The following GFRA1 variants were observed in gnomAD, a reference collection of about 807,000 sequenced individuals.
GFRA1 encodes GDNF family receptor alpha-1.
GFRA1 carries 16 observed loss-of-function variants against 51.6 expected under a neutral mutation model. That is an observed-to-expected ratio of 0.31 (90% CI 0.21 to 0.47). GFRA1 has a LOEUF of 0.47. Ranked by LOEUF, GFRA1 falls within the 20% of genes least tolerant of loss-of-function variation. The pLI, the probability that GFRA1 is intolerant of heterozygous loss-of-function variation, is 1.00. For synonymous variants in GFRA1, 270 were observed against 241.3 expected (o/e 1.12, Z -1.10); for missense variants, 530 against 594.3 (o/e 0.89, Z 1.13).
At chr10:116,100,018 G>A (rs904358126) in intron 6 of GFRA1, among the ~76,000 whole-genome samples, 1 of 152,194 alleles carries the variant, frequency 6.6e-6, no homozygotes, top group African/African-American at 2.4e-5. Context: ...AGGATTTAAA[G>A]TCATACATTC....
intron 6 of GFRA1, among the ~76,000 whole-genome samples, chr10:116,120,758 G>A (rs1957608465): frequency 6.6e-6 from 1 of 152,212 alleles, no homozygotes; most frequent in Non-Finnish European, 1.5e-5. Context: ...TGGAAACAAT[G>A]GCTGCATAGG....
chr10:116,132,346 G>A lies in GFRA1; in HGVS notation c.434-6789C>T, dbSNP rs565865661. ...AATGAATTTTAAAAACTTAGAGGAT[G>A]GACATATGGGCGCTCATACAGCACA... is the stretch of plus-strand genomic sequence containing the variant. On this transcript the variant is annotated intron_variant, in intron 5 of 10. Coordinates refer to ENST00000355422, the MANE Select transcript of GFRA1 (RefSeq NM_005264.8). Among the ~76,000 whole-genome samples, 21 of 152,244 alleles carry A rather than the reference G, an allele frequency of 1.4e-4. No homozygotes were observed. The South Asian group carries it at 1.5e-3, about 11-fold the overall frequency.
intron 4 of GFRA1, among the ~76,000 whole-genome samples, chr10:116,252,123 A>C (rs1282721708): frequency 6.6e-6 from 1 of 151,872 alleles, no homozygotes; most frequent in African/African-American, 2.4e-5. Context: ...CAGAGTGCTA[A>C]TCTAAAAACC....
At chr10:116,266,067 A>G (rs1452681087) in intron 4 of GFRA1, among the ~76,000 whole-genome samples, 1 of 152,160 alleles carries the variant, frequency 6.6e-6, no homozygotes, top group East Asian at 1.9e-4. Context: ...TCTTGTTCCC[A>G]ACGGGCCACT....
chr10:116,082,756 G>A (rs1955905468), intron 9 of GFRA1, among the ~76,000 whole-genome samples: 1 of 152,146 alleles, frequency 6.6e-6, no homozygotes, highest in South Asian at 2.1e-4. Flanking sequence ...GGGATTACAG[G>A]TGTGAGCCAC....
chr10:116,096,379 C>T (rs1018517422), intron 7 of GFRA1, among the ~76,000 whole-genome samples: 1 of 152,176 alleles, frequency 6.6e-6, no homozygotes, highest in African/African-American at 2.4e-5. Context: ...AGTTTCCCAA[C>T]TGAGACGCCT....
intron 5 of GFRA1, among the ~76,000 whole-genome samples, chr10:116,134,698 G>A (rs1191679139): frequency 6.6e-6 from 1 of 152,036 alleles, no homozygotes; most frequent in Non-Finnish European, 1.5e-5. Flanking sequence ...GTTTTCTCTG[G>A]GGCTCACAGT....
intron 5 of GFRA1, among the ~76,000 whole-genome samples, chr10:116,139,240 T>C (rs1336874009): frequency 6.6e-6 from 1 of 152,208 alleles, no homozygotes; most frequent in Non-Finnish European, 1.5e-5. Context: ...GAACGTGGCA[T>C]TCCTGAGCTT....
intron 6 of GFRA1, among the ~76,000 whole-genome samples, chr10:116,097,393 C>G (rs936430882): frequency 3.9e-5 from 6 of 152,288 alleles, no homozygotes; most frequent in African/African-American, 9.6e-5. Context: ...GGCGGGTGGG[C>G]CTGTGGTCAA....
intron 6 of GFRA1, among the ~76,000 whole-genome samples, chr10:116,099,915 A>AT (rs1335918005): frequency 1.3e-5 from 2 of 152,212 alleles, no homozygotes; most frequent in Non-Finnish European, 2.9e-5. Context: ...CAGCAAAATA[A>AT]TTGTTATTGT....
At chr10:116,170,859 C>T (rs1006494747) in intron 5 of GFRA1, among the ~76,000 whole-genome samples, 1 of 152,204 alleles carries the variant, frequency 6.6e-6, no homozygotes, top group African/African-American at 2.4e-5. Context: ...GGGGCCTTGA[C>T]TTCAACAGCT....
At chr10:116,135,448 G>A (rs764324088) in intron 5 of GFRA1, among the ~76,000 whole-genome samples, 27 of 152,076 alleles carry the variant, frequency 1.8e-4, no homozygotes, top group Non-Finnish European at 2.8e-4. Flanking sequence ...ACTGAAAACC[G>A]AATCAAGTTT....
intron 5 of GFRA1, among the ~76,000 whole-genome samples, chr10:116,198,885 A>C (rs1308432951): frequency 6.6e-6 from 1 of 152,176 alleles, no homozygotes; most frequent in Non-Finnish European, 1.5e-5. Context: ...TTAAGTTAAA[A>C]TGCGGTCACG....
rs1958945793 is a variant in GFRA1, at chr10:116,148,856, A to C, written c.434-23299T>G. Among the ~76,000 whole-genome samples the C allele has an allele frequency of 2.0e-5, 3 of 152,268 alleles. No homozygotes were observed. In the South Asian group the frequency reaches 6.2e-4, roughly 32 times the overall value. On this transcript the variant is annotated intron_variant, in intron 5 of 10. Coordinates refer to ENST00000355422, the MANE Select transcript of GFRA1 (RefSeq NM_005264.8). The stretch of plus-strand genomic sequence containing the variant: ...GAGCTGGCTGAACTAAAAATGGGAC[A>C]AGTGAGAAAAATGCAGCTGTATTCT...
At chr10:116,240,915 A>C (rs1015255139) in intron 4 of GFRA1, among the ~76,000 whole-genome samples, 7 of 152,186 alleles carry the variant, frequency 4.6e-5, no homozygotes, top group South Asian at 2.1e-4. Context: ...TGTAGTTATG[A>C]TCATCCCATT....
intron 5 of GFRA1, among the ~76,000 whole-genome samples, chr10:116,203,335 A>G (rs368193805): frequency 9.2e-5 from 14 of 152,314 alleles, no homozygotes; most frequent in African/African-American, 3.4e-4. Flanking sequence ...GCTCTCAGAC[A>G]TCAGGGGTTC....
At position 116,125,297 on chromosome 10, in the gene GFRA1, C is replaced by G. The variant is rs781774794; in HGVS notation, c.694G>C (p.Val232Leu). The G allele has an allele frequency of 2.5e-6, 4 of 1,614,238 alleles. No individual in the cohort carries two copies. The highest frequency in any genetic ancestry group is 3.4e-6 in the Non-Finnish European group (4 of 1,180,040). ...TTCTCCCTCTCTTCATAGGAGCACA[C>G]AGGCACGATGGTCTGTCGCCTCCGC... Reference protein sequence around the residue: ...TERRRQTIVPVCSYEEREKPN... With the variant: ...TERRRQTIVPLCSYEEREKPN... Residue 232 changes from valine to leucine, a missense_variant, in exon 6 of 11, where the codon GTG becomes CTG. Coordinates refer to ENST00000355422, the MANE Select transcript of GFRA1 (RefSeq NM_005264.8).
chr10:116,090,020 A>G, intron 8 of GFRA1, 98 bp from the exon 9 acceptor site: 7 of 1,127,250 alleles, frequency 6.2e-6, no homozygotes, highest in Non-Finnish European at 9.1e-6. Context: ...AATTCTGATT[A>G]TAGCATTGGA....
intron 5 of GFRA1, among the ~76,000 whole-genome samples, chr10:116,127,066 T>G: frequency 2.7e-5 from 4 of 146,626 alleles, no homozygotes; most frequent in South Asian, 4.4e-4. Context: ...AAGCAGAGAG[T>G]GGAATGATGG....
Sources: gnomAD v4.1 joint callset for allele counts (sites outside exome capture counted in the v4.1 genomes callset) on GRCh38, gnomAD v4.1.1 for gene constraint, MANE v1.5 for transcripts, NCBI Gene and HGNC (gene_info 2026-07-23, HGNC 2026-07-21) for gene names.